PHF21B: variants seen among roughly 807,000 people sequenced by gnomAD.
The protein encoded by PHF21B is PHD finger protein 21B.
PHF21B carries 22 observed loss-of-function variants against 62.2 expected under a neutral mutation model. The observed-to-expected ratio is 0.35, with a 90% CI of 0.25 to 0.51. The LOEUF is 0.51. PHF21B is among the 20% of genes least tolerant of loss of function. The pLI is 0.97. For missense variants in PHF21B, 701 were observed against 707.9 expected, an observed-to-expected ratio of 0.99 and a Z score of 0.11; for synonymous variants, 341 against 314.7, an observed-to-expected ratio of 1.08 and a Z score of -0.88.
At chr22:44,895,547 C>T (rs115473560) in intron 6 of PHF21B, among the ~76,000 whole-genome samples, 1,683 of 152,260 alleles carry the variant, frequency 0.011, 39 homozygotes, top group African/African-American at 0.039. Context: ...GCACTGCTTC[C>T]AACAATCCCC....
intron 2 of PHF21B, among the ~76,000 whole-genome samples, chr22:44,975,381 A>G (rs567099117): frequency 3.9e-5 from 6 of 152,086 alleles, no homozygotes; most frequent in Admixed American, 1.3e-4. Flanking sequence ...TCACAGAGCC[A>G]TAAGAGGCCC....
intron 5 of PHF21B, among the ~76,000 whole-genome samples, chr22:44,909,474 T>C (rs1056140196): frequency 5.3e-5 from 8 of 152,254 alleles, no homozygotes; most frequent in African/African-American, 1.9e-4. Context: ...AGAGGAGACC[T>C]GGTTCACGCT....
chr22:44,959,651 G>A (rs921063461), intron 2 of PHF21B, among the ~76,000 whole-genome samples: 9 of 152,214 alleles, frequency 5.9e-5, no homozygotes, highest in Non-Finnish European at 1.3e-4. Flanking sequence ...TGCTGCAGAG[G>A]ATGTCTGAGC....
intron 5 of PHF21B, among the ~76,000 whole-genome samples, chr22:44,907,319 C>T (rs932088212): frequency 4.6e-5 from 7 of 152,208 alleles, no homozygotes; most frequent in Non-Finnish European, 7.3e-5. Context: ...GGTCACGGCC[C>T]GGCTGGCTCA....
At chr22:44,967,191 C>T (rs5766241) in intron 2 of PHF21B, 114,448 of 150,196 alleles carry the variant, frequency 0.76, 44,070 homozygotes, top group East Asian at 0.86. Flanking sequence ...GGACAGAGGC[C>T]GGGCCACGAC....
At chr22:44,991,259 A>C (rs1025694880) in intron 2 of PHF21B, among the ~76,000 whole-genome samples, 3 of 152,216 alleles carry the variant, frequency 2.0e-5, no homozygotes, top group Non-Finnish European at 4.4e-5. Flanking sequence ...AGAATTCCCT[A>C]AAATGGGTAA....
chr22:44,992,251 C>T (rs2073053018), intron 2 of PHF21B, among the ~76,000 whole-genome samples: 1 of 152,254 alleles, frequency 6.6e-6, no homozygotes, highest in African/African-American at 2.4e-5. Flanking sequence ...ACAGAAGCCC[C>T]TTGAAGCCAC....
chr22:44,883,274 C>A lies in PHF21B; in HGVS notation c.1408G>T (p.Ala470Ser). 6.2e-7 allele frequency: 1 copy of A among 1,613,788 alleles called. No individual in the cohort carries two copies. Residue 470 changes from alanine (A) to serine (S), a missense_variant, in exon 13 of 13, where the codon GCC becomes TCC. Ala to Ser is a moderately conservative substitution (Grantham distance 99, BLOSUM62 1). Transcript: ENST00000313237. ...KCLELKTSLL[A>S]RQRGTQSSLD... The stretch of plus-strand genomic sequence containing the variant: ...GATGACTGGGTGCCCCTCTGGCGGG[C>A]CAGCAGGCTTGTCTTCAACTCCAGG...
chr22:45,002,392 A>G (rs1301504832), intron 2 of PHF21B, among the ~76,000 whole-genome samples: 1 of 152,162 alleles, frequency 6.6e-6, no homozygotes, highest in Non-Finnish European at 1.5e-5. Flanking sequence ...TACCCACTCA[A>G]TTGCCTTCTG....
rs2073381546 is a variant in PHF21B, at chr22:45,009,225, A to G, written c.54+271T>C. ...GCCCCCTCCAGGCACCCTCCCAGTC[A>G]TGCAGACCCTACATCGCTTAAGAGA... On this transcript the variant is annotated intron_variant, in intron 1 of 12. Coordinates refer to ENST00000313237, the MANE Select transcript of PHF21B (RefSeq NM_138415.5). The surrounding 1 kb of genome is among the most constrained non-coding windows in gnomAD (Gnocchi z 5.9). The G allele has an allele frequency of 8.9e-6, 4 of 447,294 alleles. No individual in the cohort carries two copies. The South Asian group carries it at 1.7e-4, about 19-fold the overall frequency. 27.7% of individuals were successfully genotyped at this position (447,294 alleles called of 1,614,324 possible).
At chr22:44,984,899 A>G (rs906110707) in intron 2 of PHF21B, among the ~76,000 whole-genome samples, 29 of 152,228 alleles carry the variant, frequency 1.9e-4, no homozygotes, top group South Asian at 1.2e-3. Flanking sequence ...AGACCTATCA[A>G]GTGATGTCAC....
intron 4 of PHF21B, among the ~76,000 whole-genome samples, chr22:44,915,403 G>A (rs150258061): frequency 1.3e-5 from 2 of 152,378 alleles, no homozygotes; most frequent in East Asian, 1.9e-4. Context: ...AAATGCTGGT[G>A]CAGTTGGGTG....
intron 2 of PHF21B, among the ~76,000 whole-genome samples, chr22:44,922,893 C>T (rs1485431142): frequency 6.6e-6 from 1 of 152,144 alleles, no homozygotes; most frequent in African/African-American, 2.4e-5. Flanking sequence ...CAATCCTTCC[C>T]AGATTGATCT....
At chr22:44,897,428 A>G (rs1378259853) in intron 5 of PHF21B, among the ~76,000 whole-genome samples, 4 of 152,072 alleles carry the variant, frequency 2.6e-5, no homozygotes, top group East Asian at 3.9e-4. Context: ...ATGATGTTAT[A>G]TAAGACCCCT....
chr22:44,940,243 T>G (rs1381365956), intron 2 of PHF21B, among the ~76,000 whole-genome samples: 1 of 152,188 alleles, frequency 6.6e-6, no homozygotes, highest in African/African-American at 2.4e-5. Flanking sequence ...GTCCACACCC[T>G]CCAGCCACCT....
chr22:44,956,824 G>A (rs1689268725), intron 2 of PHF21B, among the ~76,000 whole-genome samples: 1 of 151,720 alleles, frequency 6.6e-6, no homozygotes, highest in Non-Finnish European at 1.5e-5. Flanking sequence ...CCACGCGGTG[G>A]GCTCTCCCTC....
chr22:45,007,559 C>A (rs2073342201), intron 2 of PHF21B, among the ~76,000 whole-genome samples: 1 of 28,256 alleles, frequency 3.5e-5, no homozygotes, highest in Non-Finnish European at 8.3e-5. Flanking sequence ...GGGGGCGGGG[C>A]GCGAAGGAGG....
intron 2 of PHF21B, among the ~76,000 whole-genome samples, chr22:44,926,939 C>A (rs940941298): frequency 1.3e-5 from 2 of 152,138 alleles, no homozygotes; most frequent in African/African-American, 4.8e-5. Flanking sequence ...TGCTTCCACA[C>A]GAGTTCTTCT....
chr22:44,916,744 A>G, intron 3 of PHF21B, 114 bp from the exon 4 acceptor site: 1 of 957,734 alleles, frequency 1.0e-6, no homozygotes, highest in Non-Finnish European at 1.6e-6. Context: ...AGCACTGGAA[A>G]GAGCACAGCG....
Sources: gnomAD v4.1 joint callset for allele counts (sites outside exome capture counted in the v4.1 genomes callset) on GRCh38, gnomAD v4.1.1 for gene constraint, Gnocchi (gnomAD v3.1) non-coding constraint, MANE v1.5 for transcripts, NCBI Gene and HGNC (gene_info 2026-07-23, HGNC 2026-07-21) for gene names.